Variants in ASPRV1 observed in about 807,000 individuals in gnomAD.
ASPRV1 encodes the protein aspartic peptidase retroviral like 1.
ASPRV1 carries 7 observed loss-of-function variants against 11.0 expected under a neutral mutation model. The observed-to-expected ratio is 0.64, with a 90% CI of 0.36 to 1.20. The LOEUF is 1.20. ASPRV1 is among the 50% of genes most tolerant of loss of function. The pLI, the probability that ASPRV1 is intolerant of heterozygous loss-of-function variation, is 0.02. For synonymous variants in ASPRV1, 136 were observed against 138.4 expected (o/e 0.98, Z 0.12); for missense variants, 299 against 320.0 (o/e 0.93, Z 0.50).
chr2:70,074,133 CAAAAAAAAAAAAAAA>C, the ASPRV1 span, among the ~76,000 whole-genome samples: 3 of 7,816 alleles, frequency 3.8e-4, no homozygotes, highest in African/African-American at 1.0e-3. Context: ...AACTTCATCT[CAAAAAAAAAAAAAAA>C]AAAAAAAAAA....
At chr2:70,060,865 C>G in the ASPRV1 span, among the ~76,000 whole-genome samples, 16 of 152,280 alleles carry the variant, frequency 1.1e-4, no homozygotes, top group Admixed American at 9.8e-4. Context: ...CAGATACTAA[C>G]ATGAAAATAA....
the ASPRV1 span, among the ~76,000 whole-genome samples, chr2:70,065,263 C>T: frequency 1.3e-5 from 2 of 151,208 alleles, no homozygotes; most frequent in African/African-American, 2.4e-5. Flanking sequence ...AAAAAATTAG[C>T]GCCTGTAGTC....
chr2:70,053,210 C>A, the ASPRV1 span, among the ~76,000 whole-genome samples: 4 of 152,112 alleles, frequency 2.6e-5, no homozygotes, highest in African/African-American at 9.7e-5. Flanking sequence ...CATTTTCAGT[C>A]TGGGGTGAGG....
At chr2:70,017,693 T>C in the ASPRV1 span, among the ~76,000 whole-genome samples, 5 of 152,088 alleles carry the variant, frequency 3.3e-5, no homozygotes, top group Admixed American at 2.6e-4. Context: ...AGTTGCAGGA[T>C]ACAAAATCAA....
At chr2:69,984,889 C>A in the ASPRV1 span, among the ~76,000 whole-genome samples, 1 of 149,248 alleles carries the variant, frequency 6.7e-6, no homozygotes, top group Non-Finnish European at 1.5e-5. Flanking sequence ...CAGAGTCTCG[C>A]TCTGTCGCCC....
chr2:69,943,714 A>G, the ASPRV1 span, among the ~76,000 whole-genome samples: 1 of 152,180 alleles, frequency 6.6e-6, no homozygotes, highest in African/African-American at 2.4e-5. Flanking sequence ...GGACACATCT[A>G]AGAACAGCAC....
the ASPRV1 span, chr2:70,030,730 G>A: frequency 6.6e-6 from 1 of 152,172 alleles, no homozygotes; most frequent in Non-Finnish European, 1.5e-5. Flanking sequence ...GTGTATGTGT[G>A]TTGGGAGTGT....
At chr2:70,047,820 C>A in the ASPRV1 span, among the ~76,000 whole-genome samples, 1 of 152,084 alleles carries the variant, frequency 6.6e-6, no homozygotes, top group Non-Finnish European at 1.5e-5. Context: ...GTTAGAAAAA[C>A]AAGTCATAGG....
the ASPRV1 span, among the ~76,000 whole-genome samples, chr2:69,979,054 G>T: frequency 6.6e-5 from 10 of 151,916 alleles, no homozygotes; most frequent in African/African-American, 2.4e-4. Flanking sequence ...TTGTTTTTTT[G>T]AGACAAAGTC....
chr2:70,077,670 A>G, the ASPRV1 span, among the ~76,000 whole-genome samples: 144 of 152,026 alleles, frequency 9.5e-4, 1 homozygote, highest in African/African-American at 3.3e-3. Context: ...CCTGGCCAAC[A>G]TGGTGAAACC....
At chr2:69,959,551 A>G (rs1678015252), downstream of ASPRV1, among the ~76,000 whole-genome samples, 1 of 151,878 alleles carries the variant, frequency 6.6e-6, no homozygotes, top group African/African-American at 2.4e-5. Context: ...ATCTAGTTTC[A>G]GGCTCTGTTC....
the ASPRV1 span, among the ~76,000 whole-genome samples, chr2:70,076,234 C>A: frequency 6.6e-6 from 1 of 152,326 alleles, no homozygotes; most frequent in South Asian, 2.1e-4. Context: ...GCCCAGTCTT[C>A]CTCTCAACCT....
the ASPRV1 span, among the ~76,000 whole-genome samples, chr2:70,040,462 C>G: frequency 6.6e-6 from 1 of 152,160 alleles, no homozygotes; most frequent in Non-Finnish European, 1.5e-5. Flanking sequence ...CTGATCTCAG[C>G]TCACTGCAAC....
chr2:70,050,670 C>T, the ASPRV1 span: 34 of 151,960 alleles, frequency 2.2e-4, no homozygotes, highest in African/African-American at 8.0e-4. Context: ...AATGTGTAGG[C>T]AAGGTGCAGT....
At chr2:70,043,988 C>A in the ASPRV1 span, among the ~76,000 whole-genome samples, 2 of 152,014 alleles carry the variant, frequency 1.3e-5, no homozygotes, top group Non-Finnish European at 2.9e-5. Context: ...TTTAGAGACC[C>A]AGCATCTCTC....
At chr2:69,958,416 A>T (rs181238222), downstream of ASPRV1, among the ~76,000 whole-genome samples, 1 of 152,290 alleles carries the variant, frequency 6.6e-6, no homozygotes, top group African/African-American at 2.4e-5. Flanking sequence ...CAGGGGAAGA[A>T]GGTGTCTGCT....
chr2:70,005,639 A>G, the ASPRV1 span, among the ~76,000 whole-genome samples: 1 of 152,066 alleles, frequency 6.6e-6, no homozygotes, highest in Non-Finnish European at 1.5e-5. Context: ...TTTAATTCCA[A>G]GCATTTTTCT....
the ASPRV1 span, among the ~76,000 whole-genome samples, chr2:70,039,345 T>C: frequency 6.6e-6 from 1 of 152,122 alleles, no homozygotes; most frequent in Non-Finnish European, 1.5e-5. Flanking sequence ...TAGTAAACCA[T>C]CCATAATCTA....
At chr2:70,043,515 G>C in the ASPRV1 span, among the ~76,000 whole-genome samples, 2 of 152,198 alleles carry the variant, frequency 1.3e-5, no homozygotes, top group Non-Finnish European at 2.9e-5. Flanking sequence ...GTGGACAAGG[G>C]GGAACTGCAC....
Sources: gnomAD v4.1 joint callset for allele counts (sites outside exome capture counted in the v4.1 genomes callset) on GRCh38, gnomAD v4.1.1 for gene constraint, MANE v1.5 for transcripts, NCBI Gene and HGNC (gene_info 2026-07-23, HGNC 2026-07-21) for gene names.